MAST2: variants seen among roughly 807,000 people sequenced by gnomAD.
MAST2 encodes microtubule-associated serine/threonine-protein kinase 2.
In MAST2, 70 loss-of-function variants were observed where a neutral mutation model predicts 147.4. That is an observed-to-expected ratio of 0.47 (90% CI 0.39 to 0.58). The LOEUF (loss-of-function observed/expected upper bound fraction) is 0.58, where lower values mean the gene tolerates loss of function less well. MAST2 is among the 20% of genes least tolerant of loss of function. The pLI is 0.00. For missense variants in MAST2, 2,080 were observed against 2,302.3 expected (o/e 0.90, Z 1.98); for synonymous variants, 869 against 896.8 (o/e 0.97, Z 0.55).
rs767094862 is a variant in MAST2 at position 46,006,333 on chromosome 1, G to A, written c.840G>A (p.Glu280=). The A allele has an allele frequency of 6.2e-7, 1 of 1,613,990 alleles. No homozygotes were observed. The highest frequency in any genetic ancestry group is 2.2e-5 in the East Asian group (1 of 44,878). Residue 280 remains glutamate (E), a synonymous_variant, in exon 8 of 29, where the codon GAG becomes GAA. Coordinates refer to ENST00000361297, the MANE Select transcript of MAST2 (RefSeq NM_015112.3). The part of the protein sequence containing the change: ...LHFLTKHFST[E]SVPDEEGRQS... ...TTTTGACGAAGCATTTCAGCACAGA[G>A]AGCGTACCAGATGAGGAAGGACGGC...
At chr1:45,851,497 C>A (rs1355941529) in intron 3 of MAST2, among the ~76,000 whole-genome samples, 7 of 152,166 alleles carry the variant, frequency 4.6e-5, no homozygotes, top group Non-Finnish European at 8.8e-5. Flanking sequence ...ACTTCCAGTG[C>A]TCTGTTGACC....
intron 1 of MAST2, among the ~76,000 whole-genome samples, chr1:45,814,350 C>T (rs1644390775): frequency 6.6e-6 from 1 of 152,156 alleles, no homozygotes; most frequent in Non-Finnish European, 1.5e-5. Flanking sequence ...TGAATACCTT[C>T]CCATGGAACA....
intron 4 of MAST2, among the ~76,000 whole-genome samples, chr1:45,940,287 C>T (rs1657049215): frequency 6.6e-6 from 1 of 152,006 alleles, no homozygotes; most frequent in South Asian, 2.1e-4. Flanking sequence ...GTCACCATGC[C>T]CGGCCTATTT....
chr1:46,014,463 A>G (rs1158899470), intron 10 of MAST2, among the ~76,000 whole-genome samples: 1 of 151,546 alleles, frequency 6.6e-6, no homozygotes, highest in Admixed American at 6.6e-5. Context: ...ACTGGGAATG[A>G]TGATTTCCAA....
chr1:45,864,993 AG>A (rs1331010216), intron 3 of MAST2: 2 of 398,378 alleles, frequency 5.0e-6, no homozygotes, highest in Non-Finnish European at 9.9e-6. Flanking sequence ...TTAGTGGAAC[AG>A]TGGGTTAGTG....
chr1:45,943,430 A>G (rs1657597587), intron 4 of MAST2, among the ~76,000 whole-genome samples: 1 of 152,228 alleles, frequency 6.6e-6, no homozygotes, highest in Non-Finnish European at 1.5e-5. Context: ...CCTGGGTTAC[A>G]TTCCCAAGGG....
intron 4 of MAST2, among the ~76,000 whole-genome samples, chr1:45,947,818 G>C (rs1026578132): frequency 6.6e-6 from 1 of 152,194 alleles, no homozygotes; most frequent in African/African-American, 2.4e-5. Flanking sequence ...CCAGGTTCAT[G>C]CTATTCTTCT....
chr1:45,988,115 C>T (rs564134937), intron 5 of MAST2, among the ~76,000 whole-genome samples: 6 of 152,164 alleles, frequency 3.9e-5, no homozygotes, highest in African/African-American at 4.8e-5. Context: ...TGGGCTTAAG[C>T]GATCCTCCTG....
At chr1:45,960,104 A>G (rs1413035004) in intron 5 of MAST2, among the ~76,000 whole-genome samples, 1 of 152,180 alleles carries the variant, frequency 6.6e-6, no homozygotes, top group Non-Finnish European at 1.5e-5. Context: ...CTGATATTAC[A>G]TACTGGAATT....
intron 4 of MAST2, among the ~76,000 whole-genome samples, chr1:45,905,531 C>T (rs1033690318): frequency 6.6e-6 from 1 of 152,134 alleles, no homozygotes; most frequent in Non-Finnish European, 1.5e-5. Flanking sequence ...ATAATCTCAG[C>T]ACTTTTGGAG....
intron 3 of MAST2, among the ~76,000 whole-genome samples, chr1:45,879,411 AAG>A (rs1282708817): frequency 4.6e-5 from 7 of 152,136 alleles, no homozygotes; most frequent in African/African-American, 1.7e-4. Flanking sequence ...CATCTCTACT[AAG>A]AATATAAAAA....
At chr1:46,006,655 C>T in intron 8 of MAST2, 1 of 271,330 alleles carries the variant, frequency 3.7e-6, no homozygotes, top group African/African-American at 2.2e-5. Flanking sequence ...TTGCTAACCC[C>T]TGGCATAATA....
intron 4 of MAST2, among the ~76,000 whole-genome samples, chr1:45,901,465 G>T (rs1410503057): frequency 2.0e-5 from 3 of 152,100 alleles, no homozygotes; most frequent in Non-Finnish European, 4.4e-5. Flanking sequence ...TTTTGCTTAC[G>T]ATTGCTTTTA....
chr1:45,874,046 C>G (rs950175155), intron 3 of MAST2, among the ~76,000 whole-genome samples: 1 of 152,154 alleles, frequency 6.6e-6, no homozygotes, highest in Non-Finnish European at 1.5e-5. Flanking sequence ...GTCTCGAACT[C>G]CTGAGCTCAA....
At chr1:45,815,664 C>G (rs1395744197) in intron 1 of MAST2, among the ~76,000 whole-genome samples, 2 of 152,130 alleles carry the variant, frequency 1.3e-5, no homozygotes, top group African/African-American at 2.4e-5. Flanking sequence ...GTGACTAGCT[C>G]AGTCTTTGGT....
Position 46,035,281 on chromosome 1 carries a change from G to T in MAST2, c.4612G>T (p.Ala1538Ser), listed in dbSNP as rs1318636444. The T allele has an allele frequency of 1.6e-5, 26 of 1,614,008 alleles. No individual in the cohort carries two copies. The highest frequency in any genetic ancestry group is 2.2e-5 in the Non-Finnish European group (26 of 1,180,002). ...EVSQSVAPKG[A>S]GESGEEDPFP... The stretch of plus-strand genomic sequence containing the variant: ...GAGCCAGAGTGTGGCCCCTAAAGGA[G>T]CAGGAGAGAGTGGGGAAGAGGATCC... The change falls in exon 29 of 29, where the codon GCA (alanine) becomes TCA (serine). Residue 1538 changes from alanine to serine, a missense_variant. Coordinates refer to ENST00000361297, the MANE Select transcript of MAST2 (RefSeq NM_015112.3). The surrounding 1 kb of genome is among the most constrained non-coding windows in gnomAD (Gnocchi z 5.5).
At position 46,029,967 on chromosome 1, in the gene MAST2, T is replaced by TG; in HGVS notation, c.2443+17dup. 6.2e-7 allele frequency: 1 copy of TG among 1,613,850 alleles called. No individual in the cohort carries two copies. The highest frequency in any genetic ancestry group is 8.5e-7 in the Non-Finnish European group (1 of 1,179,886). Reference sequence around the variant, plus strand: ...GCTATTTTGACAGTAAGGCCACCGATGGGTGGGGTGGAGGATGGGTCCTAC... The same window carrying TG: ...GCTATTTTGACAGTAAGGCCACCGATGGGGTGGGGTGGAGGATGGGTCCTAC... On this transcript the variant is annotated intron_variant, in intron 20 of 28. Coordinates refer to ENST00000361297, the MANE Select transcript of MAST2 (RefSeq NM_015112.3).
intron 10 of MAST2, among the ~76,000 whole-genome samples, chr1:46,011,650 C>G (rs576431622): frequency 6.6e-6 from 1 of 152,160 alleles, no homozygotes; most frequent in Non-Finnish European, 1.5e-5. Context: ...ATATGCCTGT[C>G]CCCGCAGAGC....
intron 27 of MAST2, 21 bp downstream of exon 27, chr1:46,033,959 A>G (rs1166753117): frequency 1.2e-6 from 2 of 1,613,598 alleles, no homozygotes; most frequent in East Asian, 4.5e-5. Flanking sequence ...CGCAGTGAAG[A>G]GGGTTTTCTC....
Sources: allele counts gnomAD v4.1 joint callset (sites outside exome capture counted in the v4.1 genomes callset), GRCh38; gene constraint gnomAD v4.1.1; non-coding constraint Gnocchi (gnomAD v3.1); transcripts MANE v1.5; gene names NCBI Gene and HGNC (gene_info 2026-07-23, HGNC 2026-07-21).